B3GALT5: variants seen among roughly 807,000 people sequenced by gnomAD.
B3GALT5 encodes UDP-Gal:betaGlcNAc beta 1,3-galactosyltransferase, polypeptide 5.
For missense variants in B3GALT5, 328 were observed against 396.6 expected, an observed-to-expected ratio of 0.83 and a Z score of 1.47; for synonymous variants, 156 against 158.6, an observed-to-expected ratio of 0.98 and a Z score of 0.12.
chr21:39,613,726 A>T (rs996888990), intron 1 of B3GALT5, among the ~76,000 whole-genome samples: 27 of 152,240 alleles, frequency 1.8e-4, no homozygotes, highest in Non-Finnish European at 3.2e-4. Flanking sequence ...GTGTGTTCTC[A>T]CACACACCGC....
At chr21:39,637,336 T>G (rs764711407) in intron 1 of B3GALT5, among the ~76,000 whole-genome samples, 7 of 152,248 alleles carry the variant, frequency 4.6e-5, no homozygotes, top group African/African-American at 7.2e-5. Flanking sequence ...ATGGAGGATC[T>G]GTGTGCGTTC....
chr21:39,619,792 T>G (rs1260839037), intron 1 of B3GALT5, among the ~76,000 whole-genome samples: 1 of 152,056 alleles, frequency 6.6e-6, no homozygotes, highest in Non-Finnish European at 1.5e-5. Context: ...TTTTCAGCCA[T>G]TCTTTTTCTT....
chr21:39,632,353 G>A (rs1396799513), intron 1 of B3GALT5, among the ~76,000 whole-genome samples: 1 of 152,182 alleles, frequency 6.6e-6, no homozygotes, highest in East Asian at 1.9e-4. Flanking sequence ...GGTATGTTCA[G>A]ATAAGCAGTG....
At chr21:39,628,927 C>T (rs976832407) in intron 1 of B3GALT5, among the ~76,000 whole-genome samples, 2 of 152,126 alleles carry the variant, frequency 1.3e-5, no homozygotes, top group African/African-American at 4.8e-5. Flanking sequence ...TAACTGTGCC[C>T]AGAGTCTTGT....
chr21:39,672,196 C>A lies in B3GALT5; in HGVS notation c.*10704C>A, dbSNP rs1044516817. 6.6e-6 allele frequency: 1 copy of A among 152,222 alleles called. No homozygotes were observed. Among genetic ancestry groups the A allele is most frequent in the Non-Finnish European group, 1.5e-5 (1 of 68,050 alleles). 9.4% of individuals were successfully genotyped at this position (152,222 alleles called of 1,614,324 possible). A position where few individuals can be genotyped will look rare whatever the true frequency, so the allele number is the denominator to read the frequency against. On this transcript the variant is annotated 3_prime_UTR_variant, in exon 4 of 4. Coordinates refer to ENST00000684187, the MANE Select transcript of B3GALT5 (RefSeq NM_001356336.2). ...GGCGCAGACCCTCCTGCCAGCGAAGCCAGCGTGAGGTCTGTTGGCTCAGGG... is the reference window on the plus strand; with the variant it reads ...GGCGCAGACCCTCCTGCCAGCGAAGACAGCGTGAGGTCTGTTGGCTCAGGG...
chr21:39,656,347 G>A (rs1200484264), intron 2 of B3GALT5, among the ~76,000 whole-genome samples: 1 of 152,140 alleles, frequency 6.6e-6, no homozygotes, highest in Admixed American at 6.5e-5. Flanking sequence ...TAGCACTCAG[G>A]ACTGCCAACA....
At chr21:39,650,375 C>T (rs1344454719) in intron 2 of B3GALT5, among the ~76,000 whole-genome samples, 5 of 152,168 alleles carry the variant, frequency 3.3e-5, no homozygotes, top group Non-Finnish European at 4.4e-5. Context: ...CTGCAAAAGG[C>T]GGGCACAGGC....
chr21:39,658,042 T>C (rs2079466206), intron 2 of B3GALT5: 2 of 683,914 alleles, frequency 2.9e-6, no homozygotes, highest in Non-Finnish European at 4.1e-6. Context: ...CTCTGTCTGC[T>C]GGTGCTGCAG....
chr21:39,630,982 G>A (rs747662080), intron 1 of B3GALT5, among the ~76,000 whole-genome samples: 7 of 152,132 alleles, frequency 4.6e-5, no homozygotes, highest in Non-Finnish European at 7.4e-5. Context: ...GAGGAAGCAC[G>A]CATGGATAGA....
intron 1 of B3GALT5, among the ~76,000 whole-genome samples, chr21:39,638,112 G>A (rs1243129310): frequency 6.6e-6 from 1 of 152,174 alleles, no homozygotes; most frequent in African/African-American, 2.4e-5. Context: ...CCCTTTAAAT[G>A]ATACTGAAGG....
At chr21:39,657,654 C>T (rs1470931552) in intron 2 of B3GALT5, 7 of 295,968 alleles carry the variant, frequency 2.4e-5, no homozygotes, top group Admixed American at 7.4e-5. Context: ...AATTTCTTCT[C>T]ATCTATCTGT....
chr21:39,666,875 A>C lies in B3GALT5; in HGVS notation c.*5383A>C. 1 of 151,894 alleles carries C rather than the reference A, an allele frequency of 6.6e-6. No individual in the cohort carries two copies. Among genetic ancestry groups the C allele is most frequent in the East Asian group, 1.9e-4 (1 of 5,154 alleles). 9.4% of individuals were successfully genotyped at this position (151,894 alleles called of 1,614,324 possible). A position where few individuals can be genotyped will look rare whatever the true frequency, so the allele number is the denominator to read the frequency against. ...TGCTAACCTCTGGCTTGCCGCCCAC[A>C]CCTGTCTGGATTCATCCCGACTCGA... On this transcript the variant is annotated 3_prime_UTR_variant, in exon 4 of 4. Coordinates refer to ENST00000684187, the MANE Select transcript of B3GALT5 (RefSeq NM_001356336.2).
At position 39,641,107 on chromosome 21, in the gene B3GALT5, G is replaced by A. The variant is rs145097904; in HGVS notation, c.-391-5285G>A. On this transcript the variant is annotated intron_variant, in intron 1 of 3. Coordinates refer to ENST00000684187, the MANE Select transcript of B3GALT5 (RefSeq NM_001356336.2). ...AAGACTTCCAGTATAATATAGTGGT[G>A]AGAACAGATATTTCAAGGTTGGAAG... is the stretch of plus-strand genomic sequence containing the variant. Among the ~76,000 whole-genome samples the A allele has an allele frequency of 4.1e-3, 619 of 152,292 alleles. 5 individuals carry two copies. The highest frequency in any genetic ancestry group is 0.023 in the East Asian group (119 of 5,188).
At chr21:39,638,610 G>A (rs1422079132) in intron 1 of B3GALT5, among the ~76,000 whole-genome samples, 1 of 152,150 alleles carries the variant, frequency 6.6e-6, no homozygotes, top group African/African-American at 2.4e-5. Context: ...AAGAACCCCG[G>A]GATACAGAAA....
chr21:39,646,029 T>C (rs997912222), intron 1 of B3GALT5, among the ~76,000 whole-genome samples: 1 of 151,318 alleles, frequency 6.6e-6, no homozygotes, highest in African/African-American at 2.4e-5. Flanking sequence ...AGTAAAGTGC[T>C]TATGAAAACA....
intron 2 of B3GALT5, among the ~76,000 whole-genome samples, chr21:39,649,265 G>T (rs2079371554): frequency 6.6e-6 from 1 of 152,144 alleles, no homozygotes; most frequent in Non-Finnish European, 1.5e-5. Flanking sequence ...CTTGGCCAGA[G>T]CCCAGACTGC....
At chr21:39,626,747 G>C (rs2079165972) in intron 1 of B3GALT5, among the ~76,000 whole-genome samples, 1 of 152,112 alleles carries the variant, frequency 6.6e-6, no homozygotes, top group African/African-American at 2.4e-5. Context: ...CTTCTTTGGA[G>C]AATGTCTATT....
chr21:39,651,836 A>G (rs2079398390), intron 2 of B3GALT5, among the ~76,000 whole-genome samples: 1 of 152,192 alleles, frequency 6.6e-6, no homozygotes, highest in South Asian at 2.1e-4. Flanking sequence ...GGAAGTGTGT[A>G]TATTATTCTG....
At chr21:39,613,462 G>A (rs892119733) in intron 1 of B3GALT5, among the ~76,000 whole-genome samples, 1 of 152,196 alleles carries the variant, frequency 6.6e-6, no homozygotes, top group African/African-American at 2.4e-5. Flanking sequence ...GCACCCTGCG[G>A]CAGGCAGCTT....
Sources: allele counts gnomAD v4.1 joint callset (sites outside exome capture counted in the v4.1 genomes callset), GRCh38; gene constraint gnomAD v4.1.1; transcripts MANE v1.5; gene names NCBI Gene and HGNC (gene_info 2026-07-23, HGNC 2026-07-21).